Variants in MAP3K7CL observed in about 807,000 individuals in gnomAD.
MAP3K7CL encodes the protein MAP3K7 C-terminal like, also known as MAP3K7 C-terminal-like protein.
A neutral mutation model predicts 18.6 loss-of-function variants in MAP3K7CL; 16 were observed. That is an observed-to-expected ratio of 0.86 (90% CI 0.58 to 1.31). The LOEUF (loss-of-function observed/expected upper bound fraction) is 1.31, where lower values mean the gene tolerates loss of function less well. Among genes scored for constraint, MAP3K7CL ranks in the 50% most tolerant of loss-of-function variants. The pLI, the probability that MAP3K7CL is intolerant of heterozygous loss-of-function variation, is 0.00. For missense variants in MAP3K7CL, 163 were observed against 174.4 expected (o/e 0.93, Z 0.37); for synonymous variants, 65 against 66.8 (o/e 0.97, Z 0.13).
At chr21:29,100,352 T>C (rs1005438923) in intron 4 of MAP3K7CL, among the ~76,000 whole-genome samples, 1 of 152,236 alleles carries the variant, frequency 6.6e-6, no homozygotes, top group Non-Finnish European at 1.5e-5. Flanking sequence ...TATGAAATTT[T>C]AGAAAAATAG....
chr21:29,161,836 T>C (rs2087556631), intron 4 of MAP3K7CL, among the ~76,000 whole-genome samples: 1 of 152,224 alleles, frequency 6.6e-6, no homozygotes, highest in Non-Finnish European at 1.5e-5. Context: ...GTGGACAGTA[T>C]GGGTTTTGGG....
At chr21:29,109,732 A>C in intron 4 of MAP3K7CL, 1 of 985,850 alleles carries the variant, frequency 1.0e-6, no homozygotes, top group Non-Finnish European at 1.2e-6. Context: ...AAACAGTTAT[A>C]TCTCAAGCTG....
In MAP3K7CL at chr21:29,088,380, C is replaced by G. The variant is rs538089565; in HGVS notation, c.57+2463C>G. Among the ~76,000 whole-genome samples, 7 of 152,274 alleles carry G rather than the reference C, an allele frequency of 4.6e-5. 1 individual carries two copies. The East Asian group carries it at 1.3e-3, about 29-fold the overall frequency. On this transcript the variant is annotated intron_variant, in intron 1 of 6. Coordinates refer to the MAP3K7CL transcript ENST00000286791. ...ATATATAATCTGTTTGACAAAAACA[C>G]AAGTTTACAGATTGCATTACATTTT...
At chr21:29,117,453 CACTGCTG>C (rs2086521585) in intron 4 of MAP3K7CL, among the ~76,000 whole-genome samples, 1 of 152,228 alleles carries the variant, frequency 6.6e-6, no homozygotes, top group Non-Finnish European at 1.5e-5. Flanking sequence ...TGAATGCTAT[CACTGCTG>C]AAGCACACAC....
chr21:29,089,938 A>T (rs2085993624), intron 1 of MAP3K7CL, among the ~76,000 whole-genome samples: 1 of 151,954 alleles, frequency 6.6e-6, no homozygotes, highest in South Asian at 2.1e-4. Context: ...AAGAAGGAGG[A>T]AAGACAGGAA....
At chr21:29,108,255 C>T (rs2086358705) in intron 4 of MAP3K7CL, among the ~76,000 whole-genome samples, 1 of 152,144 alleles carries the variant, frequency 6.6e-6, no homozygotes. Context: ...AGATAGCCCC[C>T]TCTCTCCATG....
At chr21:29,169,311 T>C (rs535307851) in intron 4 of MAP3K7CL, among the ~76,000 whole-genome samples, 2 of 152,348 alleles carry the variant, frequency 1.3e-5, no homozygotes, top group South Asian at 4.1e-4. Flanking sequence ...TAAGCATTTG[T>C]ACAGCTTCAA....
chr21:29,096,077 T>C (rs904407981), intron 4 of MAP3K7CL, among the ~76,000 whole-genome samples: 1 of 152,218 alleles, frequency 6.6e-6, no homozygotes, highest in Non-Finnish European at 1.5e-5. Flanking sequence ...GATTAGGAGT[T>C]GAAAGTCACA....
chr21:29,104,880 T>TGGACA (rs1002581817), intron 4 of MAP3K7CL, among the ~76,000 whole-genome samples: 2 of 152,218 alleles, frequency 1.3e-5, no homozygotes, highest in Non-Finnish European at 2.9e-5. Context: ...CCTAAGACTC[T>TGGACA]GGACACAGGC....
intron 4 of MAP3K7CL, 33 bp downstream of exon 4, chr21:29,160,089 G>C (rs552327574): frequency 6.4e-7 from 1 of 1,559,162 alleles, no homozygotes; most frequent in Non-Finnish European, 8.8e-7. Context: ...CTACATCTGA[G>C]CACTGCCTAC....
intron 4 of MAP3K7CL, among the ~76,000 whole-genome samples, chr21:29,099,327 A>C (rs1443922825): frequency 7.1e-6 from 1 of 141,196 alleles, no homozygotes. Flanking sequence ...CTGATCTTGA[A>C]CTTCCGGGTT....
At chr21:29,162,888 T>A (rs533325853) in intron 4 of MAP3K7CL, among the ~76,000 whole-genome samples, 1 of 152,228 alleles carries the variant, frequency 6.6e-6, no homozygotes, top group Non-Finnish European at 1.5e-5. Context: ...GCGGATCACC[T>A]GAGGTCAGGA....
chr21:29,143,504 C>T (rs916745712), intron 2 of MAP3K7CL, among the ~76,000 whole-genome samples: 43 of 151,864 alleles, frequency 2.8e-4, no homozygotes, highest in South Asian at 6.2e-4. Flanking sequence ...CTCACTGCAA[C>T]CTCCGCCTTC....
At chr21:29,127,310 C>T (rs2086697395), upstream of MAP3K7CL, among the ~76,000 whole-genome samples, 1 of 152,148 alleles carries the variant, frequency 6.6e-6, no homozygotes, top group African/African-American at 2.4e-5. Flanking sequence ...AAAAATTATA[C>T]ATTATTGCCA....
intron 4 of MAP3K7CL, among the ~76,000 whole-genome samples, chr21:29,117,696 G>C (rs2086525272): frequency 6.6e-6 from 1 of 152,188 alleles, no homozygotes; most frequent in Non-Finnish European, 1.5e-5. Context: ...AGGATGTGAT[G>C]GCTTAATTTG....
At chr21:29,094,621 ACT>A (rs1452093775) in intron 4 of MAP3K7CL, among the ~76,000 whole-genome samples, 5 of 152,182 alleles carry the variant, frequency 3.3e-5, no homozygotes, top group Non-Finnish European at 7.4e-5. Context: ...GAGAAGTTTG[ACT>A]CTAGGCCAAA....
At chr21:29,142,024 AT>A (rs540625780) in intron 2 of MAP3K7CL, among the ~76,000 whole-genome samples, 2,247 of 145,482 alleles carry the variant, frequency 0.015, 49 homozygotes, top group Admixed American at 0.057. Context: ...GCGTAAGTTA[AT>A]TTTTTTTTTT....
At chr21:29,140,590 T>C (rs1272539409) in intron 2 of MAP3K7CL, among the ~76,000 whole-genome samples, 1 of 152,206 alleles carries the variant, frequency 6.6e-6, no homozygotes, top group Admixed American at 6.5e-5. Context: ...GAGTTCATGT[T>C]ATAAGAGAAA....
At chr21:29,128,954 G>T (rs1212639135), upstream of MAP3K7CL, among the ~76,000 whole-genome samples, 1 of 152,176 alleles carries the variant, frequency 6.6e-6, no homozygotes, top group Non-Finnish European at 1.5e-5. Flanking sequence ...TTAATTGTCT[G>T]AGTCTGTACA....
Sources: gnomAD v4.1 joint callset for allele counts (sites outside exome capture counted in the v4.1 genomes callset) on GRCh38, gnomAD v4.1.1 for gene constraint, MANE v1.5 for transcripts, NCBI Gene and HGNC (gene_info 2026-07-23, HGNC 2026-07-21) for gene names.